The following LRRTM4 variants were observed in gnomAD, a reference collection of about 807,000 sequenced individuals.
The protein encoded by LRRTM4 is leucine-rich repeat transmembrane neuronal protein 4.
A neutral mutation model predicts 47.6 loss-of-function variants in LRRTM4; 25 were observed. The observed-to-expected ratio is 0.53, with a 90% CI of 0.38 to 0.73. The LOEUF (loss-of-function observed/expected upper bound fraction) is 0.73. LRRTM4 is among the 30% of genes least tolerant of loss of function. The pLI is 0.00. For synonymous variants in LRRTM4, 311 were observed against 269.5 expected, an observed-to-expected ratio of 1.15 and a Z score of -1.51; for missense variants, 638 against 713.4, an observed-to-expected ratio of 0.89 and a Z score of 1.20.
At chr2:77,441,663 C>T (rs1262349930) in intron 3 of LRRTM4, among the ~76,000 whole-genome samples, 1 of 152,074 alleles carries the variant, frequency 6.6e-6, no homozygotes, top group Admixed American at 6.5e-5. Context: ...GTTCTAGATA[C>T]ATAGTTGATA....
intron 3 of LRRTM4, among the ~76,000 whole-genome samples, chr2:77,456,267 C>G (rs996517331): frequency 6.6e-6 from 1 of 152,182 alleles, no homozygotes; most frequent in African/African-American, 2.4e-5. Flanking sequence ...GAAAGTTTTA[C>G]TATTTCCCCC....
chr2:76,882,008 T>C (rs1448544853), intron 3 of LRRTM4, among the ~76,000 whole-genome samples: 1 of 152,184 alleles, frequency 6.6e-6, no homozygotes, highest in Admixed American at 6.5e-5. Context: ...TATTTTTTGA[T>C]AAATATTACT....
At chr2:76,846,949 C>G (rs533807869) in intron 3 of LRRTM4, among the ~76,000 whole-genome samples, 11 of 152,012 alleles carry the variant, frequency 7.2e-5, no homozygotes, top group Non-Finnish European at 1.6e-4. Flanking sequence ...CTGAGAGTAA[C>G]TAAAAACAAA....
At chr2:77,333,601 GTT>G (rs1671048820) in intron 3 of LRRTM4, among the ~76,000 whole-genome samples, 1 of 152,216 alleles carries the variant, frequency 6.6e-6, no homozygotes, top group African/African-American at 2.4e-5. Context: ...AAGAATTGAG[GTT>G]TGAGAATCTC....
chr2:77,365,381 A>G (rs1672402567), intron 3 of LRRTM4, among the ~76,000 whole-genome samples: 1 of 152,006 alleles, frequency 6.6e-6, no homozygotes, highest in South Asian at 2.1e-4. Flanking sequence ...TTTTTTAATT[A>G]CATAAAATAA....
intron 3 of LRRTM4, among the ~76,000 whole-genome samples, chr2:77,389,843 C>T (rs1673429618): frequency 6.6e-6 from 1 of 151,918 alleles, no homozygotes. Context: ...ATTTCTTGAG[C>T]ACCTAATATG....
chr2:77,005,280 G>T (rs1677597599), intron 3 of LRRTM4, among the ~76,000 whole-genome samples: 2 of 152,116 alleles, frequency 1.3e-5, no homozygotes, highest in South Asian at 4.1e-4. Flanking sequence ...GAGTAGCTGG[G>T]ATTATACATG....
chr2:76,809,131 GA>G (rs1670651759), intron 3 of LRRTM4, among the ~76,000 whole-genome samples: 1 of 152,014 alleles, frequency 6.6e-6, no homozygotes, highest in African/African-American at 2.4e-5. Flanking sequence ...AAATAGACAA[GA>G]AAATGATGAA....
At chr2:76,826,780 CA>C (rs1671203125) in intron 3 of LRRTM4, among the ~76,000 whole-genome samples, 1 of 151,796 alleles carries the variant, frequency 6.6e-6, no homozygotes, top group African/African-American at 2.4e-5. Context: ...GCAGAGTGTA[CA>C]TTAACCATCC....
At chr2:76,955,785 G>A (rs982767748) in intron 3 of LRRTM4, among the ~76,000 whole-genome samples, 1 of 151,702 alleles carries the variant, frequency 6.6e-6, no homozygotes, top group Non-Finnish European at 1.5e-5. Flanking sequence ...GCAACCAAGA[G>A]TGGGCCCTCA....
rs114981286 is a variant in LRRTM4, at chr2:77,520,611, C to T, written c.5-747G>A. On this transcript the variant is annotated intron_variant, in intron 2 of 3. Transcript: ENST00000409884. ...CTCCAAAGTTAAGACTATCAAAATT[C>T]GTATTATTTGCCTAAAAAGCAAAAT... Among the ~76,000 whole-genome samples the T allele has an allele frequency of 2.3e-3, 346 of 152,162 alleles. 2 individuals carry two copies. The highest frequency in any genetic ancestry group is 8.0e-3 in the African/African-American group (332 of 41,524).
chr2:77,197,919 A>T (rs1484496835), intron 3 of LRRTM4, among the ~76,000 whole-genome samples: 1 of 152,148 alleles, frequency 6.6e-6, no homozygotes, highest in African/African-American at 2.4e-5. Context: ...CAGGGGAAAA[A>T]CTGTTTTGAA....
chr2:77,498,038 G>GT (rs1678427769), intron 3 of LRRTM4, among the ~76,000 whole-genome samples: 1 of 151,824 alleles, frequency 6.6e-6, no homozygotes, highest in East Asian at 1.9e-4. Context: ...AACTAAACAT[G>GT]GCAGGGCTAG....
chr2:77,376,236 G>A (rs1253644478), intron 3 of LRRTM4, among the ~76,000 whole-genome samples: 1 of 151,272 alleles, frequency 6.6e-6, no homozygotes, highest in Non-Finnish European at 1.5e-5. Flanking sequence ...GAATAGTTTT[G>A]GATTTACAAA....
chr2:77,298,675 A>G (rs980402853), intron 3 of LRRTM4, among the ~76,000 whole-genome samples: 1 of 152,184 alleles, frequency 6.6e-6, no homozygotes, highest in African/African-American at 2.4e-5. Flanking sequence ...ATGATAAACC[A>G]AAATCATGAA....
intron 3 of LRRTM4, among the ~76,000 whole-genome samples, chr2:77,169,409 T>G (rs1672982903): frequency 6.6e-6 from 1 of 152,162 alleles, no homozygotes; most frequent in South Asian, 2.1e-4. Flanking sequence ...TTCACAGTCT[T>G]TTTCTCCTTA....
At chr2:77,127,472 T>C (rs1018890219) in intron 3 of LRRTM4, among the ~76,000 whole-genome samples, 4 of 152,188 alleles carry the variant, frequency 2.6e-5, no homozygotes, top group Non-Finnish European at 5.9e-5. Context: ...ATATTCACAC[T>C]ATCTGTAGGT....
At chr2:76,845,566 C>G (rs1671814466) in intron 3 of LRRTM4, among the ~76,000 whole-genome samples, 1 of 152,048 alleles carries the variant, frequency 6.6e-6, no homozygotes, top group Admixed American at 6.6e-5. Flanking sequence ...AGGGATGGGA[C>G]CTGGTCCTGT....
At chr2:77,209,606 C>A (rs1674237052) in intron 3 of LRRTM4, among the ~76,000 whole-genome samples, 1 of 152,128 alleles carries the variant, frequency 6.6e-6, no homozygotes, top group Non-Finnish European at 1.5e-5. Context: ...GGAACACTCA[C>A]ACATGTTGTC....
Sources: gnomAD v4.1 joint callset for allele counts (sites outside exome capture counted in the v4.1 genomes callset) on GRCh38, gnomAD v4.1.1 for gene constraint, MANE v1.5 for transcripts, NCBI Gene and HGNC (gene_info 2026-07-23, HGNC 2026-07-21) for gene names.